The following RAD51B variants were observed in gnomAD, a reference collection of about 807,000 sequenced individuals.
RAD51B encodes DNA repair protein RAD51 homolog 2.
RAD51B carries 38 observed loss-of-function variants against 42.2 expected under a neutral mutation model. The observed-to-expected ratio is 0.90, with a 90% CI of 0.70 to 1.18. The LOEUF (loss-of-function observed/expected upper bound fraction) is 1.18. Among genes scored for constraint, RAD51B ranks in the 50% most tolerant of loss-of-function variants. The pLI is 0.00. For missense variants in RAD51B, 373 were observed against 400.7 expected (o/e 0.93, Z 0.59); for synonymous variants, 154 against 145.2 (o/e 1.06, Z -0.43).
At chr14:67,902,995 T>C (rs1950767) in intron 7 of RAD51B, among the ~76,000 whole-genome samples, 1 of 151,624 alleles carries the variant, frequency 6.6e-6, no homozygotes, top group Non-Finnish European at 1.5e-5. Flanking sequence ...GATTACAGGC[T>C]CCCACCACCA....
chr14:68,288,065 C>T lies in RAD51B; in HGVS notation c.757-3819C>T, dbSNP rs569553154. On this transcript the variant is annotated intron_variant, in intron 7 of 10. Coordinates refer to ENST00000471583, the MANE Select transcript of RAD51B (RefSeq NM_133510.4). ...GAGCATCAGAAGACTCAGTCTTTCC[C>T]ATGGAGCAAAGCAGCAGGAAAACCC... Among the ~76,000 whole-genome samples the T allele has an allele frequency of 5.9e-5, 9 of 152,274 alleles. No individual in the cohort carries two copies. The East Asian group carries it at 1.5e-3, about 26-fold the overall frequency.
chr14:68,660,759 G>C (rs1050933027), intron 11 of RAD51B, among the ~76,000 whole-genome samples: 3 of 152,202 alleles, frequency 2.0e-5, no homozygotes, highest in African/African-American at 7.2e-5. Context: ...GCTCCCAGAG[G>C]GGGCGGTGTT....
chr14:67,843,451 C>G (rs553133207), intron 4 of RAD51B: 1 of 152,172 alleles, frequency 6.6e-6, no homozygotes, highest in South Asian at 2.1e-4. Context: ...CTTTGTACAT[C>G]TGGTAGAATT....
intron 7 of RAD51B, among the ~76,000 whole-genome samples, chr14:68,125,598 T>G (rs757837436): frequency 1.6e-4 from 25 of 152,180 alleles, no homozygotes; most frequent in Non-Finnish European, 2.9e-4. Flanking sequence ...GGTTAATGTG[T>G]ACATATTCAG....
chr14:68,004,035 A>G (rs962406590), intron 7 of RAD51B, among the ~76,000 whole-genome samples: 3 of 152,200 alleles, frequency 2.0e-5, no homozygotes, highest in African/African-American at 7.2e-5. Flanking sequence ...GCATTGCCAA[A>G]TAAACTATAC....
chr14:68,631,591 TAGAA>T (rs1037215442), intron 10 of RAD51B, among the ~76,000 whole-genome samples: 2 of 152,160 alleles, frequency 1.3e-5, no homozygotes, highest in African/African-American at 2.4e-5. Flanking sequence ...GCCCGGCATA[TAGAA>T]AATTTAGGGA....
At chr14:68,485,089 A>G (rs2140271189) in intron 10 of RAD51B, among the ~76,000 whole-genome samples, 1 of 152,326 alleles carries the variant, frequency 6.6e-6, no homozygotes, top group East Asian at 1.9e-4. Flanking sequence ...TAGCTGCCCA[A>G]GCAGCAGGAG....
At chr14:67,977,765 A>G (rs950408111) in intron 7 of RAD51B, among the ~76,000 whole-genome samples, 8 of 152,320 alleles carry the variant, frequency 5.3e-5, no homozygotes, top group African/African-American at 1.9e-4. Flanking sequence ...TAAAAATAAC[A>G]TTGTGGTTAA....
intron 7 of RAD51B, among the ~76,000 whole-genome samples, chr14:68,119,433 G>A (rs922314329): frequency 4.0e-5 from 6 of 148,244 alleles, no homozygotes; most frequent in Non-Finnish European, 8.9e-5. Context: ...TCGTCATTTA[G>A]CATTAGGTAT....
At chr14:68,069,776 T>C (rs1391297882) in intron 7 of RAD51B, 1 of 152,172 alleles carries the variant, frequency 6.6e-6, no homozygotes, top group East Asian at 1.9e-4. Context: ...GGTAGAATGA[T>C]TTATTAATAC....
chr14:68,615,191 T>A (rs1409916415), downstream of RAD51B, among the ~76,000 whole-genome samples: 1 of 152,246 alleles, frequency 6.6e-6, no homozygotes, highest in African/African-American at 2.4e-5. Flanking sequence ...ATTTGTTTTA[T>A]TAATTCTTGA....
chr14:68,341,948 A>C (rs1006584859), intron 8 of RAD51B, among the ~76,000 whole-genome samples: 1 of 152,202 alleles, frequency 6.6e-6, no homozygotes, highest in Non-Finnish European at 1.5e-5. Context: ...AAAATCTTTC[A>C]CTAATGGAAA....
chr14:67,882,098 G>A (rs546202529), intron 5 of RAD51B, among the ~76,000 whole-genome samples: 98 of 152,222 alleles, frequency 6.4e-4, no homozygotes, highest in Non-Finnish European at 1.2e-3. Flanking sequence ...TCAGCCTCTC[G>A]AGTAGCTGGG....
intron 7 of RAD51B, among the ~76,000 whole-genome samples, chr14:68,159,247 T>A (rs1415781717): frequency 1.4e-4 from 21 of 152,184 alleles, no homozygotes; most frequent in Non-Finnish European, 2.9e-4. Flanking sequence ...CTACCTTGTC[T>A]TTGAAATTTT....
intron 7 of RAD51B, among the ~76,000 whole-genome samples, chr14:67,939,397 A>G (rs2045079294): frequency 6.6e-6 from 1 of 152,232 alleles, no homozygotes; most frequent in Non-Finnish European, 1.5e-5. Flanking sequence ...GATAGTATAT[A>G]GAAAATTGAC....
rs1239867215 is a variant in RAD51B, at chr14:68,212,394, G to T, written c.757-79490G>T. Reference sequence around the variant, plus strand: ...ATTAGACAATCCATGTAAAATACTTGACTCAGAGCCTTACATAGAGCTGTT... The same window carrying T: ...ATTAGACAATCCATGTAAAATACTTTACTCAGAGCCTTACATAGAGCTGTT... On this transcript the variant is annotated intron_variant, in intron 7 of 10. Transcript: ENST00000471583. Among the ~76,000 whole-genome samples, 5 of 152,178 alleles carry T rather than the reference G, an allele frequency of 3.3e-5. No individual in the cohort carries two copies. The East Asian group carries it at 9.6e-4, about 29-fold the overall frequency.
At position 67,925,828 on chromosome 14, in the gene RAD51B, C is replaced by G. The variant is rs1595117045; in HGVS notation, c.756+38624C>G. On this transcript the variant is annotated intron_variant, in intron 7 of 10. Coordinates refer to ENST00000471583, the MANE Select transcript of RAD51B (RefSeq NM_133510.4). The stretch of plus-strand genomic sequence containing the variant: ...CTGTGCACTGGCAGGCTTAACACTG[C>G]ATGGAAGCTGCCAAGGCTTGCGGCT... Among the ~76,000 whole-genome samples, 3 of 152,348 alleles carry G rather than the reference C, an allele frequency of 2.0e-5. No individual in the cohort carries two copies. In the South Asian group the frequency reaches 6.2e-4, roughly 32 times the overall value.
chr14:68,044,436 A>G (rs1407697696), intron 7 of RAD51B, among the ~76,000 whole-genome samples: 1 of 152,130 alleles, frequency 6.6e-6, no homozygotes, highest in Admixed American at 6.5e-5. Flanking sequence ...AAACTGCTTA[A>G]AAGTCAAAAC....
chr14:68,421,931 G>C, intron 9 of RAD51B: 1 of 1,567,826 alleles, frequency 6.4e-7, no homozygotes. Flanking sequence ...GCTTTAGGAT[G>C]AAGTTCTCAT....
Sources: gnomAD v4.1 joint callset for allele counts (sites outside exome capture counted in the v4.1 genomes callset) on GRCh38, gnomAD v4.1.1 for gene constraint, MANE v1.5 for transcripts, NCBI Gene and HGNC (gene_info 2026-07-23, HGNC 2026-07-21) for gene names.